TTLL5: variants seen among roughly 807,000 people sequenced by gnomAD.
TTLL5 encodes tubulin polyglutamylase TTLL5.
In TTLL5, 132 loss-of-function variants were observed where a neutral mutation model predicts 168.4. The observed-to-expected ratio is 0.78, with a 90% CI of 0.68 to 0.91. TTLL5 has a LOEUF of 0.91. Among genes scored for constraint, TTLL5 ranks in the 40% least tolerant of loss-of-function variants. The pLI, the probability that TTLL5 is intolerant of heterozygous loss-of-function variation, is 0.00. For synonymous variants in TTLL5, 546 were observed against 558.6 expected, an observed-to-expected ratio of 0.98 and a Z score of 0.32; for missense variants, 1,545 against 1,581.5, an observed-to-expected ratio of 0.98 and a Z score of 0.39.
chr14:75,764,084 C>G (rs892545384), intron 18 of TTLL5, among the ~76,000 whole-genome samples: 3 of 152,298 alleles, frequency 2.0e-5, no homozygotes, highest in East Asian at 3.9e-4. Flanking sequence ...TTCTATGCGT[C>G]TCAGTCAACT....
chr14:75,799,159 A>G lies in TTLL5; in HGVS notation c.3171+6059A>G, dbSNP rs185944915. On this transcript the variant is annotated intron_variant, in intron 27 of 31. Transcript: ENST00000298832. Reference sequence around the variant, plus strand: ...ATTTGGGAGCTCCAGTGTTAGGCGCATATGTATTTAGGATTGTGATATTTT... The same window carrying G: ...ATTTGGGAGCTCCAGTGTTAGGCGCGTATGTATTTAGGATTGTGATATTTT... Among the ~76,000 whole-genome samples the G allele has an allele frequency of 9.3e-4, 142 of 152,224 alleles. 1 individual carries two copies. The East Asian group carries it at 9.5e-3, about 10-fold the overall frequency.
At chr14:75,748,835 C>T (rs1166073136) in intron 17 of TTLL5, among the ~76,000 whole-genome samples, 1 of 152,106 alleles carries the variant, frequency 6.6e-6, no homozygotes, top group Non-Finnish European at 1.5e-5. Flanking sequence ...TCTTGATTTG[C>T]ATTTCTGTGA....
chr14:75,927,406 A>G (rs1343045847), intron 31 of TTLL5, among the ~76,000 whole-genome samples: 1 of 152,222 alleles, frequency 6.6e-6, no homozygotes, highest in Non-Finnish European at 1.5e-5. Context: ...CGAACTGTAT[A>G]CTTTAAATGA....
At chr14:75,769,219 G>T (rs915777205) in intron 20 of TTLL5, among the ~76,000 whole-genome samples, 6 of 152,120 alleles carry the variant, frequency 3.9e-5, no homozygotes, top group Non-Finnish European at 7.3e-5. Flanking sequence ...TCAATCAGTG[G>T]TTTTCAGACT....
At chr14:75,883,129 C>A (rs2031907985) in intron 30 of TTLL5, among the ~76,000 whole-genome samples, 1 of 152,212 alleles carries the variant, frequency 6.6e-6, no homozygotes, top group African/African-American at 2.4e-5. Flanking sequence ...GAGGGACAGG[C>A]CCTGCAGAAT....
Position 75,669,455 on chromosome 14 carries a change from A to C in TTLL5, c.114A>C (p.Arg38Ser). Residue 38 changes from arginine (R) to serine (S), a missense_variant, in exon 3 of 32, where the codon AGA becomes AGC. Coordinates refer to ENST00000298832, the MANE Select transcript of TTLL5 (RefSeq NM_015072.5). ...TCATGTGGACTGGAGGCTGCAGGAG[A>C]ATTCCAGTTTTGGTATTCCATGCCG... ...PCIMWTGGCR[R>S]IPVLVFHADA... 6.2e-7 allele frequency: 1 copy of C among 1,614,138 alleles called. No homozygotes were observed.
intron 31 of TTLL5, among the ~76,000 whole-genome samples, chr14:75,914,015 A>AG (rs1214557470): frequency 6.7e-5 from 5 of 74,920 alleles, no homozygotes; most frequent in Non-Finnish European, 1.1e-4. Flanking sequence ...ACTGTTTAAA[A>AG]GGAAAAAAAA....
At chr14:75,801,360 A>G (rs979964979) in intron 27 of TTLL5, among the ~76,000 whole-genome samples, 29 of 152,160 alleles carry the variant, frequency 1.9e-4, no homozygotes, top group African/African-American at 5.1e-4. Context: ...AACAAGGCCA[A>G]TCTCCTGGGG....
chr14:75,671,015 T>G (rs1398460152), intron 3 of TTLL5, among the ~76,000 whole-genome samples: 5 of 152,168 alleles, frequency 3.3e-5, no homozygotes, highest in African/African-American at 1.2e-4. Context: ...TTCTAAGAGT[T>G]TTATGGTTTA....
Position 75,661,383 on chromosome 14 carries a change from G to C in TTLL5, c.-100G>C, listed in dbSNP as rs1228078703. On this transcript the variant is annotated 5_prime_UTR_variant, in exon 1 of 32. Coordinates refer to ENST00000298832, the MANE Select transcript of TTLL5 (RefSeq NM_015072.5). ...CTCGCCCCGAACCATGGGAAGATGA[G>C]ACAGGTAAACGCCTGCGCCCGCGCG... is the stretch of plus-strand genomic sequence containing the variant. The C allele has an allele frequency of 3.9e-5, 6 of 152,160 alleles. No homozygotes were observed. In the East Asian group the frequency reaches 1.2e-3, roughly 29 times the overall value. The allele number at this position is 152,160 out of a possible 1,614,324, so 9.4% of individuals were successfully genotyped here.
intron 31 of TTLL5, 52 bp downstream of exon 31, chr14:75,902,276 G>A (rs1273573568): frequency 6.3e-7 from 1 of 1,581,018 alleles, no homozygotes; most frequent in Admixed American, 1.7e-5. Context: ...GGAAGGTGTT[G>A]GGCTTGGCAC....
intron 28 of TTLL5, among the ~76,000 whole-genome samples, chr14:75,848,785 C>T (rs1896690640): frequency 6.6e-6 from 1 of 152,216 alleles, no homozygotes. Flanking sequence ...CAGCTCACTG[C>T]TAGAATCCTA....
At chr14:75,843,591 C>A (rs1281349184) in intron 28 of TTLL5, among the ~76,000 whole-genome samples, 1 of 152,208 alleles carries the variant, frequency 6.6e-6, no homozygotes, top group Non-Finnish European at 1.5e-5. Context: ...GCAATGGTAG[C>A]AATAAGGCAG....
At chr14:75,802,913 A>T (rs576296720) in intron 27 of TTLL5, among the ~76,000 whole-genome samples, 30 of 152,328 alleles carry the variant, frequency 2.0e-4, no homozygotes, top group African/African-American at 6.7e-4. Context: ...ATGGCAGAAG[A>T]AGGGGAGAAA....
intron 17 of TTLL5, among the ~76,000 whole-genome samples, chr14:75,749,694 C>T (rs1400446158): frequency 6.6e-6 from 1 of 152,100 alleles, no homozygotes; most frequent in Non-Finnish European, 1.5e-5. Context: ...CTCTAACTCT[C>T]TTGGTGCGTT....
chr14:75,676,525 C>T (rs561107138), intron 3 of TTLL5, among the ~76,000 whole-genome samples: 2 of 152,276 alleles, frequency 1.3e-5, no homozygotes, highest in Non-Finnish European at 2.9e-5. Context: ...TATATATGAA[C>T]TAAAAATCTC....
chr14:75,943,567 G>C (rs1218482331), intron 31 of TTLL5, among the ~76,000 whole-genome samples: 3 of 152,174 alleles, frequency 2.0e-5, no homozygotes, highest in Non-Finnish European at 4.4e-5. Flanking sequence ...GTTTAAGGTG[G>C]TCCTAAGGCA....
chr14:75,705,077 T>C (rs554616621), intron 7 of TTLL5, among the ~76,000 whole-genome samples: 1 of 152,378 alleles, frequency 6.6e-6, no homozygotes, highest in South Asian at 2.1e-4. Context: ...AGCTGTATAG[T>C]GATTGCATCA....
At chr14:75,879,200 T>G (rs2031667670) in intron 29 of TTLL5, among the ~76,000 whole-genome samples, 1 of 152,182 alleles carries the variant, frequency 6.6e-6, no homozygotes, top group East Asian at 1.9e-4. Context: ...TGATGAGTCA[T>G]ACAAATACAT....
Sources: allele counts gnomAD v4.1 joint callset (sites outside exome capture counted in the v4.1 genomes callset), GRCh38; gene constraint gnomAD v4.1.1; transcripts MANE v1.5; gene names NCBI Gene and HGNC (gene_info 2026-07-23, HGNC 2026-07-21).